Variants in CSTPP1 observed in about 807,000 individuals in gnomAD.
The protein encoded by CSTPP1 is centriolar satellite-associated tubulin polyglutamylase complex regulator 1, also known as UPF0705 protein C11orf49.
chr11:47,078,996 G>T, the CSTPP1 span, among the ~76,000 whole-genome samples: 1 of 152,118 alleles, frequency 6.6e-6, no homozygotes, highest in East Asian at 1.9e-4. Context: ...CATCATCTTG[G>T]CTAGGATGGC....
chr11:47,039,034 C>G, the CSTPP1 span, among the ~76,000 whole-genome samples: 1 of 124,146 alleles, frequency 8.1e-6, no homozygotes. Flanking sequence ...GGCGGCCGGG[C>G]AGAGACGCTC....
the CSTPP1 span, among the ~76,000 whole-genome samples, chr11:46,985,107 C>T: frequency 6.6e-6 from 1 of 151,178 alleles, no homozygotes; most frequent in Admixed American, 6.6e-5. Context: ...TGGGGGTGGG[C>T]AGTCAGGGTT....
At chr11:46,953,859 A>C in the CSTPP1 span, among the ~76,000 whole-genome samples, 1 of 152,206 alleles carries the variant, frequency 6.6e-6, no homozygotes, top group Non-Finnish European at 1.5e-5. Flanking sequence ...GATGAAGGAC[A>C]TGGTTAAACT....
chr11:46,962,537 A>C, the CSTPP1 span, among the ~76,000 whole-genome samples: 1 of 152,202 alleles, frequency 6.6e-6, no homozygotes, highest in Non-Finnish European at 1.5e-5. Context: ...TGTGCCATTT[A>C]ACAATATTAA....
chr11:47,157,240 C>T, the CSTPP1 span: 1 of 1,533,740 alleles, frequency 6.5e-7, no homozygotes, highest in African/African-American at 1.4e-5. Context: ...GCATGCAGCC[C>T]CCAGCCCCCC....
the CSTPP1 span, among the ~76,000 whole-genome samples, chr11:47,111,141 C>T: frequency 6.6e-6 from 1 of 152,006 alleles, no homozygotes; most frequent in Non-Finnish European, 1.5e-5. Context: ...ATCTGTCCGC[C>T]TCGGCCTGAG....
the CSTPP1 span, among the ~76,000 whole-genome samples, chr11:47,044,018 G>A: frequency 3.3e-5 from 5 of 151,978 alleles, no homozygotes; most frequent in African/African-American, 4.8e-5. Context: ...ATGGAGTCTC[G>A]CTCTGTCACC....
At chr11:47,161,629 G>A in the CSTPP1 span, 42 of 1,611,248 alleles carry the variant, frequency 2.6e-5, 1 homozygote, top group South Asian at 1.1e-4. Flanking sequence ...CAGACGAGTC[G>A]GAGACTTGAG....
the CSTPP1 span, among the ~76,000 whole-genome samples, chr11:46,968,718 G>T: frequency 6.6e-6 from 1 of 151,854 alleles, no homozygotes; most frequent in African/African-American, 2.4e-5. Flanking sequence ...GACCAACATG[G>T]TGACACCCCG....
At chr11:47,155,023 A>C in the CSTPP1 span, 2 of 690,016 alleles carry the variant, frequency 2.9e-6, no homozygotes, top group South Asian at 3.3e-5. Flanking sequence ...CCCTCTCCTA[A>C]ATGTCCTGCT....
the CSTPP1 span, among the ~76,000 whole-genome samples, chr11:47,053,574 C>T: frequency 2.7e-5 from 4 of 149,796 alleles, no homozygotes; most frequent in African/African-American, 4.9e-5. Context: ...GAGCCGAGAT[C>T]GTGCCACTGC....
At chr11:47,047,442 A>G in the CSTPP1 span, among the ~76,000 whole-genome samples, 2 of 152,300 alleles carry the variant, frequency 1.3e-5, no homozygotes, top group Non-Finnish European at 2.9e-5. Flanking sequence ...ATCTTTACAT[A>G]TATGGTCATT....
At chr11:46,973,780 A>ATGTG in the CSTPP1 span, among the ~76,000 whole-genome samples, 108 of 150,310 alleles carry the variant, frequency 7.2e-4, no homozygotes, top group East Asian at 2.5e-3. Flanking sequence ...TGGAGGGTGT[A>ATGTG]TGTGTGTGTG....
chr11:47,134,720 G>C, the CSTPP1 span, among the ~76,000 whole-genome samples: 8 of 152,302 alleles, frequency 5.3e-5, no homozygotes, highest in South Asian at 1.7e-3. Flanking sequence ...GCCTGGAACA[G>C]AGCAGGCACA....
the CSTPP1 span, among the ~76,000 whole-genome samples, chr11:46,973,685 T>C: frequency 6.6e-6 from 1 of 152,108 alleles, no homozygotes; most frequent in African/African-American, 2.4e-5. Context: ...ATTTTATAAC[T>C]GAGTCACATG....
the CSTPP1 span, among the ~76,000 whole-genome samples, chr11:46,944,173 C>G: frequency 6.6e-6 from 1 of 151,924 alleles, no homozygotes; most frequent in South Asian, 2.1e-4. Context: ...CAAAAATTAG[C>G]AGAGCGTGGG....
the CSTPP1 span, among the ~76,000 whole-genome samples, chr11:47,040,122 T>C: frequency 3.0e-4 from 38 of 128,006 alleles, 4 homozygotes; most frequent in African/African-American, 9.4e-4. Flanking sequence ...CCCCAGTAAT[T>C]AGACTAATCA....
At chr11:47,084,071 G>A in the CSTPP1 span, among the ~76,000 whole-genome samples, 3 of 152,106 alleles carry the variant, frequency 2.0e-5, no homozygotes, top group Non-Finnish European at 4.4e-5. Flanking sequence ...GTTAACATTT[G>A]GTATTGTCAG....
chr11:47,014,512 T>G, the CSTPP1 span, among the ~76,000 whole-genome samples: 1 of 152,140 alleles, frequency 6.6e-6, no homozygotes, highest in Admixed American at 6.5e-5. Flanking sequence ...GAGATCAGCC[T>G]GACCAACGCG....
Sources: allele counts gnomAD v4.1 joint callset (sites outside exome capture counted in the v4.1 genomes callset), GRCh38; gene constraint gnomAD v4.1.1; transcripts MANE v1.5; gene names NCBI Gene and HGNC (gene_info 2026-07-23, HGNC 2026-07-21).